The following MACROD2 variants were observed in gnomAD, a reference collection of about 807,000 sequenced individuals.
MACROD2 encodes the protein mono-ADP ribosylhydrolase 2.
MACROD2 carries 36 observed loss-of-function variants against 70.4 expected under a neutral mutation model. The observed-to-expected ratio is 0.51, with a 90% CI of 0.39 to 0.68. MACROD2 has a LOEUF of 0.68. Ranked by LOEUF, MACROD2 falls within the 30% of genes least tolerant of loss-of-function variation. The pLI, the probability that MACROD2 is intolerant of heterozygous loss-of-function variation, is 0.00. For missense variants in MACROD2, 496 were observed against 538.4 expected (o/e 0.92, Z 0.78); for synonymous variants, 172 against 178.8 (o/e 0.96, Z 0.30).
intron 8 of MACROD2, among the ~76,000 whole-genome samples, chr20:15,695,002 T>G (rs1328658766): frequency 3.3e-5 from 5 of 152,182 alleles, no homozygotes; most frequent in African/African-American, 1.2e-4. Flanking sequence ...TGTTTTTGTT[T>G]GCTTTGTTGA....
At chr20:15,678,897 C>A (rs535200127) in intron 8 of MACROD2, among the ~76,000 whole-genome samples, 32 of 152,062 alleles carry the variant, frequency 2.1e-4, no homozygotes, top group Non-Finnish European at 4.4e-4. Flanking sequence ...CCCATCATGG[C>A]CAATTTCAAG....
intron 2 of MACROD2, among the ~76,000 whole-genome samples, chr20:14,044,489 T>C (rs543148794): frequency 6.6e-6 from 1 of 152,286 alleles, no homozygotes; most frequent in South Asian, 2.1e-4. Flanking sequence ...CACATCCTGC[T>C]GATTGGTTGG....
Position 14,375,931 on chromosome 20 carries a change from T to C in MACROD2, c.272-117548T>C, listed in dbSNP as rs549570167. Among the ~76,000 whole-genome samples the C allele has an allele frequency of 3.9e-5, 6 of 152,322 alleles. No individual in the cohort carries two copies. In the South Asian group the frequency reaches 1.2e-3, roughly 32 times the overall value. On this transcript the variant is annotated intron_variant, in intron 3 of 17. Transcript: ENST00000684519. The stretch of plus-strand genomic sequence containing the variant: ...AGAAGCTACACCACTGAAATGCTGG[T>C]TTTGTATAAAACTGTTTACACATAA...
At chr20:15,063,905 A>G in intron 5 of MACROD2, among the ~76,000 whole-genome samples, 1 of 152,198 alleles carries the variant, frequency 6.6e-6, no homozygotes, top group East Asian at 1.9e-4. Flanking sequence ...TCCATAATCC[A>G]TAATCTGTAG....
At chr20:15,021,143 T>TGTATGTATACACATACAGGTGTGC (rs2075170944) in intron 5 of MACROD2, among the ~76,000 whole-genome samples, 1 of 114,568 alleles carries the variant, frequency 8.7e-6, no homozygotes, top group Non-Finnish European at 1.9e-5. Flanking sequence ...CATACGTGTG[T>TGTATGTATACACATACAGGTGTGC]GTATACACAC....
At position 14,879,797 on chromosome 20, in the gene MACROD2, T is replaced by C. The variant is rs956250243; in HGVS notation, c.418+194838T>C. On this transcript the variant is annotated intron_variant, in intron 5 of 17. Coordinates refer to ENST00000684519, the MANE Select transcript of MACROD2 (RefSeq NM_001351661.2). ...GCTTTAAAAGAGCATAGTAATCTGG[T>C]TCTTTTCATGAAAACTGATGATTAA... is the stretch of plus-strand genomic sequence containing the variant. Among the ~76,000 whole-genome samples the C allele has an allele frequency of 2.6e-5, 4 of 152,198 alleles. No homozygotes were observed. The South Asian group carries it at 8.3e-4, about 32-fold the overall frequency.
intron 3 of MACROD2, among the ~76,000 whole-genome samples, chr20:14,350,864 G>A (rs747376702): frequency 2.0e-5 from 3 of 152,034 alleles, no homozygotes; most frequent in Admixed American, 1.3e-4. Flanking sequence ...TCCCTTATGA[G>A]TTTCCTCATA....
chr20:14,164,077 A>G (rs1379913987), intron 3 of MACROD2, among the ~76,000 whole-genome samples: 1 of 149,846 alleles, frequency 6.7e-6, no homozygotes, highest in African/African-American at 2.4e-5. Flanking sequence ...GCTTCTTTCA[A>G]CTTTTTTGAG....
chr20:14,836,388 G>A (rs2122253647), intron 5 of MACROD2, among the ~76,000 whole-genome samples: 1 of 152,140 alleles, frequency 6.6e-6, no homozygotes, highest in Non-Finnish European at 1.5e-5. Flanking sequence ...ATCACTAGGA[G>A]GAGCTAACCT....
At chr20:15,218,838 G>T (rs537669094) in intron 5 of MACROD2, among the ~76,000 whole-genome samples, 1 of 151,440 alleles carries the variant, frequency 6.6e-6, no homozygotes, top group Non-Finnish European at 1.5e-5. Flanking sequence ...GAGGTCAGGA[G>T]ATCAACACCA....
intron 8 of MACROD2, among the ~76,000 whole-genome samples, chr20:15,814,862 C>T (rs1243047740): frequency 6.6e-6 from 1 of 152,244 alleles, no homozygotes; most frequent in African/African-American, 2.4e-5. Context: ...TTCTGGCACA[C>T]AGTCTGTGCT....
chr20:15,452,978 A>G (rs986429190), intron 7 of MACROD2, among the ~76,000 whole-genome samples: 1 of 152,154 alleles, frequency 6.6e-6, no homozygotes, highest in Non-Finnish European at 1.5e-5. Flanking sequence ...TTGTCAATAA[A>G]AATAATGGAG....
chr20:15,318,616 A>G (rs561970497), intron 6 of MACROD2, among the ~76,000 whole-genome samples: 1 of 152,290 alleles, frequency 6.6e-6, no homozygotes, highest in East Asian at 1.9e-4. Flanking sequence ...TAAAAGGATT[A>G]TACATTATAA....
At chr20:15,065,481 C>A (rs956794781) in intron 5 of MACROD2, among the ~76,000 whole-genome samples, 1 of 151,888 alleles carries the variant, frequency 6.6e-6, no homozygotes, top group East Asian at 1.9e-4. Flanking sequence ...CAGTGAAACC[C>A]CATCTCTACT....
At chr20:15,481,080 G>C (rs2047090749) in intron 7 of MACROD2, among the ~76,000 whole-genome samples, 1 of 152,118 alleles carries the variant, frequency 6.6e-6, no homozygotes, top group Admixed American at 6.5e-5. Context: ...AAACATGAAG[G>C]ACCACACGTA....
intron 5 of MACROD2, among the ~76,000 whole-genome samples, chr20:14,783,655 T>C (rs76000635): frequency 0.052 from 7,965 of 152,162 alleles, 286 homozygotes; most frequent in Middle Eastern, 0.22. Context: ...GACTCTGAGA[T>C]TTTAAGGATT....
At chr20:16,015,426 G>T (rs1410406982) in intron 15 of MACROD2, among the ~76,000 whole-genome samples, 1 of 152,114 alleles carries the variant, frequency 6.6e-6, no homozygotes, top group Non-Finnish European at 1.5e-5. Context: ...TGATTCAGAG[G>T]CTGCAGCTCT....
chr20:15,816,137 A>G (rs1343920576), intron 8 of MACROD2, among the ~76,000 whole-genome samples: 4 of 152,228 alleles, frequency 2.6e-5, no homozygotes, highest in Middle Eastern at 6.8e-3. Context: ...TTGGCCTGAC[A>G]TACTATACCC....
intron 5 of MACROD2, among the ~76,000 whole-genome samples, chr20:14,790,754 T>C (rs1600667259): frequency 6.6e-6 from 1 of 152,072 alleles, no homozygotes; most frequent in East Asian, 1.9e-4. Context: ...CAGAGATAGT[T>C]CCGTTTTGGG....
Sources: allele counts gnomAD v4.1 joint callset (sites outside exome capture counted in the v4.1 genomes callset), GRCh38; gene constraint gnomAD v4.1.1; transcripts MANE v1.5; gene names NCBI Gene and HGNC (gene_info 2026-07-23, HGNC 2026-07-21).